The following GALNT8 variants were observed in gnomAD, a reference collection of about 807,000 sequenced individuals.
GALNT8 encodes the protein probable polypeptide N-acetylgalactosaminyltransferase 8.
A neutral mutation model predicts 62.7 loss-of-function variants in GALNT8; 66 were observed. The observed-to-expected ratio is 1.05, with a 90% CI of 0.86 to 1.29. The LOEUF (loss-of-function observed/expected upper bound fraction) is 1.29, where lower values mean the gene tolerates loss of function less well. Ranked by LOEUF, GALNT8 falls within the 50% of genes most tolerant of loss-of-function variation. The pLI, the probability that GALNT8 is intolerant of heterozygous loss-of-function variation, is 0.00. For synonymous variants in GALNT8, 288 were observed against 294.3 expected (o/e 0.98, Z 0.22); for missense variants, 771 against 791.8 (o/e 0.97, Z 0.32).
intron 2 of GALNT8, among the ~76,000 whole-genome samples, chr12:4,729,751 A>G (rs1227629029): frequency 2.0e-5 from 3 of 152,212 alleles, no homozygotes; most frequent in African/African-American, 7.2e-5. Context: ...TACCCAGTAT[A>G]GGATTGCTAG....
intron 6 of GALNT8, among the ~76,000 whole-genome samples, chr12:4,748,880 T>C (rs1946311590): frequency 6.6e-6 from 1 of 152,184 alleles, no homozygotes; most frequent in Non-Finnish European, 1.5e-5. Context: ...TGGTGTCCTC[T>C]TCAATGTTTT....
chr12:4,772,654 T>G lies in GALNT8; in HGVS notation c.*57T>G. 2.3e-6 allele frequency: 3 copies of G among 1,291,860 alleles called. No individual in the cohort carries two copies. The South Asian group carries it at 3.6e-5, about 16-fold the overall frequency. 80.0% of individuals were successfully genotyped at this position (1,291,860 alleles called of 1,614,324 possible). A position where few individuals can be genotyped will look rare whatever the true frequency, so the allele number is the denominator to read the frequency against. On this transcript the variant is annotated 3_prime_UTR_variant, in exon 11 of 11. Coordinates refer to ENST00000252318, the MANE Select transcript of GALNT8 (RefSeq NM_017417.2). ...TTCTTGCAAGTGGAATGGCTTCTACTCCTAACACTCCCAGCTTCTTTCTCA... is the reference window on the plus strand; with the variant it reads ...TTCTTGCAAGTGGAATGGCTTCTACGCCTAACACTCCCAGCTTCTTTCTCA...
chr12:4,737,084 A>G (rs1306181791), intron 2 of GALNT8, among the ~76,000 whole-genome samples: 1 of 152,238 alleles, frequency 6.6e-6, no homozygotes, highest in Non-Finnish European at 1.5e-5. Flanking sequence ...AAAAATGAAG[A>G]GTTCGACTTT....
At chr12:4,753,260 CT>C (rs34670969) in intron 6 of GALNT8, among the ~76,000 whole-genome samples, 56,346 of 151,906 alleles carry the variant, frequency 0.37, 10,831 homozygotes, top group Admixed American at 0.43. Context: ...CTTTCTACCC[CT>C]ATCTCTTTCT....
At chr12:4,734,206 A>G (rs534274787) in intron 2 of GALNT8, among the ~76,000 whole-genome samples, 140 of 152,198 alleles carry the variant, frequency 9.2e-4, no homozygotes, top group Non-Finnish European at 1.7e-3. Flanking sequence ...CTTATAAATA[A>G]GGAAAGGAAG....
At chr12:4,724,902 GC>G (rs1946187695) in intron 1 of GALNT8, among the ~76,000 whole-genome samples, 1 of 152,142 alleles carries the variant, frequency 6.6e-6, no homozygotes, top group Admixed American at 6.5e-5. Flanking sequence ...CACACGTTCT[GC>G]TTGCCAAGCC....
intron 2 of GALNT8, among the ~76,000 whole-genome samples, chr12:4,736,705 TAAAC>T (rs1946246849): frequency 6.6e-6 from 1 of 151,894 alleles, no homozygotes; most frequent in Non-Finnish European, 1.5e-5. Context: ...ATTGAATAAA[TAAAC>T]AACGAAGCAA....
intron 3 of GALNT8, among the ~76,000 whole-genome samples, chr12:4,739,603 G>T (rs1946262159): frequency 6.6e-6 from 1 of 151,878 alleles, no homozygotes; most frequent in Non-Finnish European, 1.5e-5. Flanking sequence ...GCAGAGGTGG[G>T]AGTTAGGCCA....
intron 6 of GALNT8, among the ~76,000 whole-genome samples, chr12:4,757,093 G>T (rs1239918121): frequency 6.6e-6 from 1 of 152,164 alleles, no homozygotes; most frequent in Admixed American, 6.5e-5. Flanking sequence ...TGAAGAAGGT[G>T]CCTTGCTTCC....
chr12:4,760,484 G>T (rs538941482), intron 6 of GALNT8, among the ~76,000 whole-genome samples: 6 of 152,280 alleles, frequency 3.9e-5, no homozygotes, highest in Non-Finnish European at 7.4e-5. Context: ...CAGGTCACAG[G>T]CCCACACTCA....
chr12:4,731,723 C>T (rs184331172), intron 2 of GALNT8, among the ~76,000 whole-genome samples: 8 of 152,120 alleles, frequency 5.3e-5, no homozygotes, highest in East Asian at 3.9e-4. Flanking sequence ...AGTGATTTTT[C>T]GCATCTATTG....
At chr12:4,722,613 A>G (rs138210042) in intron 1 of GALNT8, among the ~76,000 whole-genome samples, 88 of 152,270 alleles carry the variant, frequency 5.8e-4, no homozygotes, top group African/African-American at 2.0e-3. Context: ...TGTGCATCCA[A>G]CTTCAGCAAG....
chr12:4,752,098 T>C (rs1328946760), intron 6 of GALNT8, among the ~76,000 whole-genome samples: 1 of 152,174 alleles, frequency 6.6e-6, no homozygotes, highest in Non-Finnish European at 1.5e-5. Flanking sequence ...TCCATTGGTA[T>C]GGAATATCTT....
chr12:4,738,020 A>G (rs943551343), intron 2 of GALNT8, among the ~76,000 whole-genome samples: 1 of 152,210 alleles, frequency 6.6e-6, no homozygotes, highest in Non-Finnish European at 1.5e-5. Flanking sequence ...GAGAAGGGGA[A>G]CATTCAACTC....
intron 10 of GALNT8, among the ~76,000 whole-genome samples, chr12:4,767,616 C>T (rs531027855): frequency 6.6e-6 from 1 of 152,236 alleles, no homozygotes; most frequent in South Asian, 2.1e-4. Context: ...TTCAGGTTTC[C>T]TACAGAAGAA....
chr12:4,763,872 G>GA lies in GALNT8; in HGVS notation c.1498-76dup, dbSNP rs1056795971. The GA allele has an allele frequency of 4.0e-5, 32 of 796,546 alleles. No individual in the cohort carries two copies. The African/African-American group carries it at 5.0e-4, about 13-fold the overall frequency. 49.3% of individuals were successfully genotyped at this position (796,546 alleles called of 1,614,324 possible). A position where few individuals can be genotyped will look rare whatever the true frequency, so the allele number is the denominator to read the frequency against. On this transcript the variant is annotated intron_variant, in intron 8 of 10. Coordinates refer to ENST00000252318, the MANE Select transcript of GALNT8 (RefSeq NM_017417.2). The stretch of plus-strand genomic sequence containing the variant: ...TTCCTGGTGTCCTCGGTGTGTTGGG[G>GA]AAAATGTAGGCCCTGGGAGGGATGG...
chr12:4,758,646 GA>G (rs1447536931), intron 6 of GALNT8, among the ~76,000 whole-genome samples: 22 of 84,110 alleles, frequency 2.6e-4, no homozygotes, highest in African/African-American at 9.5e-4. Flanking sequence ...GTGAGAGAGA[GA>G]GAGAGAGAGA....
chr12:4,745,166 T>C (rs1459832943), intron 4 of GALNT8, among the ~76,000 whole-genome samples: 1 of 152,206 alleles, frequency 6.6e-6, no homozygotes, highest in Non-Finnish European at 1.5e-5. Flanking sequence ...ATACTGAGAA[T>C]GCTGCTTCAC....
chr12:4,764,530 ATT>A (rs58809573), intron 9 of GALNT8, among the ~76,000 whole-genome samples: 83 of 102,202 alleles, frequency 8.1e-4, no homozygotes, highest in African/African-American at 1.9e-3. Context: ...CAGTCAGGGG[ATT>A]TTTTTTTTTT....
Sources: gnomAD v4.1 joint callset for allele counts (sites outside exome capture counted in the v4.1 genomes callset) on GRCh38, gnomAD v4.1.1 for gene constraint, MANE v1.5 for transcripts, NCBI Gene and HGNC (gene_info 2026-07-23, HGNC 2026-07-21) for gene names.